PPARGC1A: variants seen among roughly 807,000 people sequenced by gnomAD.
PPARGC1A encodes peroxisome proliferator-activated receptor gamma coactivator 1-alpha.
Under a neutral mutation model 88.7 loss-of-function variants are expected in PPARGC1A, and 25 were observed. That is an observed-to-expected ratio of 0.28 (90% CI 0.21 to 0.39). The LOEUF is 0.39. Ranked by LOEUF, PPARGC1A falls within the 10% of genes least tolerant of loss-of-function variation. PPARGC1A has a pLI of 1.00. For synonymous variants in PPARGC1A, 363 were observed against 355.6 expected, an observed-to-expected ratio of 1.02 and a Z score of -0.24; for missense variants, 880 against 968.7, an observed-to-expected ratio of 0.91 and a Z score of 1.22.
the PPARGC1A span, among the ~76,000 whole-genome samples, chr4:24,089,579 C>T: frequency 5.4e-5 from 8 of 147,812 alleles, no homozygotes; most frequent in African/African-American, 1.5e-4. Context: ...GGCGCGATCT[C>T]GGCTCACTGC....
At chr4:23,914,369 C>G in the PPARGC1A span, among the ~76,000 whole-genome samples, 1 of 152,112 alleles carries the variant, frequency 6.6e-6, no homozygotes, top group South Asian at 2.1e-4. Context: ...ATTACTTGCC[C>G]TCTAAAATAC....
chr4:24,041,240 T>C, the PPARGC1A span, among the ~76,000 whole-genome samples: 1 of 152,206 alleles, frequency 6.6e-6, no homozygotes, highest in African/African-American at 2.4e-5. Flanking sequence ...GCACTAACAA[T>C]AGAGCCAAGG....
chr4:24,248,188 T>A, the PPARGC1A span, among the ~76,000 whole-genome samples: 1 of 152,060 alleles, frequency 6.6e-6, no homozygotes, highest in Admixed American at 6.5e-5. Flanking sequence ...GCAGTGGCGT[T>A]ATCTCGGCTC....
the PPARGC1A span, among the ~76,000 whole-genome samples, chr4:24,152,810 C>A: frequency 6.6e-6 from 1 of 152,200 alleles, no homozygotes; most frequent in African/African-American, 2.4e-5. Flanking sequence ...AACTAAAATA[C>A]TTCTACCCCA....
chr4:24,072,835 A>AT, the PPARGC1A span, among the ~76,000 whole-genome samples: 1 of 152,144 alleles, frequency 6.6e-6, no homozygotes. Flanking sequence ...GAATTGCTCT[A>AT]ATTTTATGTA....
At chr4:24,347,161 C>G in the PPARGC1A span, among the ~76,000 whole-genome samples, 1 of 152,202 alleles carries the variant, frequency 6.6e-6, no homozygotes, top group Non-Finnish European at 1.5e-5. Context: ...CTTAAATTTA[C>G]TGAGGCTTGT....
At chr4:24,182,720 G>T in the PPARGC1A span, among the ~76,000 whole-genome samples, 1 of 152,118 alleles carries the variant, frequency 6.6e-6, no homozygotes, top group Admixed American at 6.6e-5. Context: ...TCTCATTGTG[G>T]TTTCAATTTG....
the PPARGC1A span, among the ~76,000 whole-genome samples, chr4:24,060,452 G>C: frequency 8.6e-5 from 13 of 151,962 alleles, no homozygotes; most frequent in African/African-American, 3.1e-4. Context: ...ATGTTCTTTT[G>C]GTTGATGTGC....
the PPARGC1A span, among the ~76,000 whole-genome samples, chr4:24,154,175 C>T: frequency 3.3e-5 from 5 of 152,144 alleles, no homozygotes; most frequent in African/African-American, 1.2e-4. Context: ...GAGTGATGCC[C>T]TCCCCTGGCC....
chr4:24,330,728 GACCCAGCACACTCAAA>G, the PPARGC1A span, among the ~76,000 whole-genome samples: 958 of 152,260 alleles, frequency 6.3e-3, 20 homozygotes, highest in African/African-American at 0.022. Context: ...GAGAAACTGA[GACCCAGCACACTCAAA>G]ACCACACAGC....
the PPARGC1A span, among the ~76,000 whole-genome samples, chr4:24,148,493 C>G: frequency 4.6e-5 from 7 of 152,280 alleles, no homozygotes; most frequent in South Asian, 1.5e-3. Flanking sequence ...ATTTGTGGAG[C>G]AACTACTATG....
At chr4:23,996,843 G>A in the PPARGC1A span, among the ~76,000 whole-genome samples, 2 of 152,236 alleles carry the variant, frequency 1.3e-5, no homozygotes, top group East Asian at 1.9e-4. Flanking sequence ...ACAAAAACCG[G>A]TGGCCAAGCG....
At chr4:24,357,588 C>T in the PPARGC1A span, among the ~76,000 whole-genome samples, 1 of 152,190 alleles carries the variant, frequency 6.6e-6, no homozygotes, top group Non-Finnish European at 1.5e-5. Flanking sequence ...TGATAGATGG[C>T]CATCATGCCT....
chr4:24,160,879 TATGGCTACCGGTAGCCA>T, the PPARGC1A span, among the ~76,000 whole-genome samples: 1 of 152,254 alleles, frequency 6.6e-6, no homozygotes, highest in East Asian at 1.9e-4. Flanking sequence ...ACACTCAAAC[TATGGCTACCGGTAGCCA>T]ATGTGATACA....
At chr4:24,429,332 C>T in the PPARGC1A span, among the ~76,000 whole-genome samples, 3 of 152,132 alleles carry the variant, frequency 2.0e-5, no homozygotes, top group Non-Finnish European at 4.4e-5. Flanking sequence ...TTTGGTATAT[C>T]AGGCCCTTTG....
the PPARGC1A span, among the ~76,000 whole-genome samples, chr4:24,134,523 T>C: frequency 1.3e-5 from 2 of 152,368 alleles, no homozygotes; most frequent in Non-Finnish European, 1.5e-5. Context: ...ATTCCAGATG[T>C]CATGAGAGTT....
the PPARGC1A span, among the ~76,000 whole-genome samples, chr4:24,316,378 T>C: frequency 2.0e-5 from 3 of 152,354 alleles, no homozygotes; most frequent in South Asian, 6.2e-4. Flanking sequence ...ATTAGCACAA[T>C]GTCCAAATGC....
chr4:24,206,205 G>A, the PPARGC1A span, among the ~76,000 whole-genome samples: 1 of 152,186 alleles, frequency 6.6e-6, no homozygotes, highest in Non-Finnish European at 1.5e-5. Context: ...AAGAAGCTAC[G>A]TTAAGATACC....
the PPARGC1A span, among the ~76,000 whole-genome samples, chr4:24,445,060 A>AAGAGAG: frequency 2.0e-5 from 3 of 151,058 alleles, no homozygotes; most frequent in East Asian, 5.8e-4. Flanking sequence ...CTCAAAAAAA[A>AAGAGAG]AGAGAGAGAG....
Sources: gnomAD v4.1 joint callset for allele counts (sites outside exome capture counted in the v4.1 genomes callset) on GRCh38, gnomAD v4.1.1 for gene constraint, MANE v1.5 for transcripts, NCBI Gene and HGNC (gene_info 2026-07-23, HGNC 2026-07-21) for gene names.